Variants in CNTN4 observed in about 807,000 individuals in gnomAD.
CNTN4 encodes contactin-4.
CNTN4 carries 77 observed loss-of-function variants against 122.5 expected under a neutral mutation model. The observed-to-expected ratio is 0.63, with a 90% CI of 0.52 to 0.76. The LOEUF is 0.76. Ranked by LOEUF, CNTN4 falls within the 30% of genes least tolerant of loss-of-function variation. The pLI, the probability that CNTN4 is intolerant of heterozygous loss-of-function variation, is 0.00. For synonymous variants in CNTN4, 512 were observed against 447.0 expected (o/e 1.15, Z -1.83); for missense variants, 1,256 against 1,259.1 (o/e 1.00, Z 0.04).
chr3:2,404,185 A>G (rs2046951062), intron 3 of CNTN4, among the ~76,000 whole-genome samples: 1 of 152,136 alleles, frequency 6.6e-6, no homozygotes, highest in South Asian at 2.1e-4. Context: ...GTGGCTTAAA[A>G]CAACACCCAT....
intron 3 of CNTN4, among the ~76,000 whole-genome samples, chr3:2,522,149 TTGTGTGTGTGTGTG>T (rs71621496): frequency 7.9e-5 from 5 of 63,462 alleles, no homozygotes; most frequent in East Asian, 2.9e-3. Context: ...CCTAAGCAGT[TTGTGTGTGTGTGTG>T]TGTGTGTGTG....
chr3:2,177,613 AG>A (rs2036809492), intron 2 of CNTN4, among the ~76,000 whole-genome samples: 1 of 151,518 alleles, frequency 6.6e-6, no homozygotes. Context: ...TCTATATGCC[AG>A]GGCTCTTCAG....
chr3:2,862,273 G>A (rs1360653038), intron 7 of CNTN4, among the ~76,000 whole-genome samples: 2 of 152,192 alleles, frequency 1.3e-5, no homozygotes, highest in Non-Finnish European at 2.9e-5. Context: ...AGAGAATTCT[G>A]ATTGATCATT....
intron 3 of CNTN4, among the ~76,000 whole-genome samples, chr3:2,399,805 A>G (rs903329553): frequency 6.6e-6 from 1 of 152,068 alleles, no homozygotes; most frequent in Non-Finnish European, 1.5e-5. Context: ...TATGAATGTT[A>G]TTTAAATGTA....
intron 4 of CNTN4, among the ~76,000 whole-genome samples, chr3:2,609,712 A>T (rs191453311): frequency 3.3e-5 from 5 of 152,326 alleles, no homozygotes; most frequent in East Asian, 1.9e-4. Flanking sequence ...GTTCAGTGCT[A>T]TGAAACGTCT....
chr3:2,696,600 G>A (rs1416283798), intron 4 of CNTN4, among the ~76,000 whole-genome samples: 1 of 152,106 alleles, frequency 6.6e-6, no homozygotes, highest in Non-Finnish European at 1.5e-5. Context: ...CTCCAGAACT[G>A]TGAAAATAAA....
chr3:2,557,403 C>G (rs1314660359), intron 3 of CNTN4, among the ~76,000 whole-genome samples: 1 of 152,142 alleles, frequency 6.6e-6, no homozygotes, highest in East Asian at 1.9e-4. Flanking sequence ...ACAAGAAGTA[C>G]AAAATTCTGG....
chr3:2,430,470 A>G (rs1160919847), intron 3 of CNTN4, among the ~76,000 whole-genome samples: 2 of 151,288 alleles, frequency 1.3e-5, no homozygotes, highest in African/African-American at 2.4e-5. Flanking sequence ...TGTCTTCTGC[A>G]TTGCTTACAC....
intron 13 of CNTN4, among the ~76,000 whole-genome samples, chr3:2,954,724 C>T (rs1243071682): frequency 1.3e-5 from 2 of 151,900 alleles, no homozygotes; most frequent in African/African-American, 4.8e-5. Context: ...CTGGTAGTCA[C>T]GCAATCTGGA....
chr3:2,926,118 G>T (rs1233065042), intron 13 of CNTN4, among the ~76,000 whole-genome samples: 1 of 152,048 alleles, frequency 6.6e-6, no homozygotes, highest in Non-Finnish European at 1.5e-5. Context: ...AAGTCCTTTG[G>T]TATATGTAAA....
At chr3:2,201,040 T>G (rs1009890416) in intron 2 of CNTN4, among the ~76,000 whole-genome samples, 1 of 152,152 alleles carries the variant, frequency 6.6e-6, no homozygotes, top group Non-Finnish European at 1.5e-5. Flanking sequence ...CTTTTTTCCC[T>G]GAGAAATGCC....
In CNTN4 at chr3:2,396,757, A is replaced by G. The variant is rs181371245; in HGVS notation, c.-89+57524A>G. Among the ~76,000 whole-genome samples, 395 of 151,884 alleles carry G rather than the reference A, an allele frequency of 2.6e-3. 1 individual carries two copies. The highest frequency in any genetic ancestry group is 4.4e-3 in the Non-Finnish European group (301 of 67,962). ...TAGTCAAAGTGGCTGTTTCCTTCTA[A>G]GGCTGTAATTTGGTTCCATGAATTA... is the stretch of plus-strand genomic sequence containing the variant. On this transcript the variant is annotated intron_variant, in intron 3 of 24. Transcript: ENST00000418658.
intron 7 of CNTN4, among the ~76,000 whole-genome samples, chr3:2,854,097 A>T (rs11712341): frequency 6.6e-6 from 1 of 151,954 alleles, no homozygotes; most frequent in Non-Finnish European, 1.5e-5. Flanking sequence ...TAAAGGTCCA[A>T]ATAAAAGAAC....
intron 13 of CNTN4, among the ~76,000 whole-genome samples, chr3:2,927,822 A>G (rs547969146): frequency 6.6e-5 from 10 of 152,300 alleles, no homozygotes; most frequent in African/African-American, 1.9e-4. Flanking sequence ...CCCCATCATT[A>G]CCTAATTCCT....
At chr3:2,350,663 C>G (rs2044576037) in intron 3 of CNTN4, among the ~76,000 whole-genome samples, 1 of 152,150 alleles carries the variant, frequency 6.6e-6, no homozygotes, top group East Asian at 1.9e-4. Flanking sequence ...TGTAATGTCT[C>G]TTCATTAAGT....
chr3:2,635,371 A>G (rs1264524270), intron 4 of CNTN4, among the ~76,000 whole-genome samples: 1 of 152,170 alleles, frequency 6.6e-6, no homozygotes, highest in East Asian at 1.9e-4. Flanking sequence ...TTTTTCCTCT[A>G]TTAACAATTT....
At chr3:2,239,603 T>C (rs2039850177) in intron 2 of CNTN4, among the ~76,000 whole-genome samples, 1 of 152,182 alleles carries the variant, frequency 6.6e-6, no homozygotes, top group African/African-American at 2.4e-5. Flanking sequence ...ATGAATCCTA[T>C]GGTCTCTTAG....
At chr3:2,860,252 G>A (rs1342287941) in intron 7 of CNTN4, among the ~76,000 whole-genome samples, 2 of 152,182 alleles carry the variant, frequency 1.3e-5, no homozygotes. Context: ...AAATTGATTG[G>A]AGGTAATTGC....
intron 2 of CNTN4, among the ~76,000 whole-genome samples, chr3:2,314,155 T>C (rs2043011364): frequency 6.6e-6 from 1 of 151,944 alleles, no homozygotes; most frequent in African/African-American, 2.4e-5. Flanking sequence ...GATGTCCAAT[T>C]CTTATGTGAC....
Sources: gnomAD v4.1 joint callset for allele counts (sites outside exome capture counted in the v4.1 genomes callset) on GRCh38, gnomAD v4.1.1 for gene constraint, MANE v1.5 for transcripts, NCBI Gene and HGNC (gene_info 2026-07-23, HGNC 2026-07-21) for gene names.